Variants in PRELID2 observed in about 807,000 individuals in gnomAD.
The protein encoded by PRELID2 is PRELI domain containing 2.
Under a neutral mutation model 28.4 loss-of-function variants are expected in PRELID2, and 25 were observed. That is an observed-to-expected ratio of 0.88 (90% CI 0.64 to 1.23). The LOEUF is 1.23. Ranked by LOEUF, PRELID2 falls within the 50% of genes most tolerant of loss-of-function variation. The pLI is 0.00. For synonymous variants in PRELID2, 76 were observed against 71.6 expected, an observed-to-expected ratio of 1.06 and a Z score of -0.31; for missense variants, 201 against 214.4, an observed-to-expected ratio of 0.94 and a Z score of 0.39.
chr5:145,347,968 C>T, the PRELID2 span, among the ~76,000 whole-genome samples: 221 of 152,148 alleles, frequency 1.5e-3, no homozygotes, highest in African/African-American at 5.2e-3. Flanking sequence ...TGTTTTAGGT[C>T]AGAGTCACTG....
chr5:145,562,394 C>T (rs1374270062), intron 1 of PRELID2, among the ~76,000 whole-genome samples: 1 of 152,168 alleles, frequency 6.6e-6, no homozygotes. Flanking sequence ...AAACATCAAT[C>T]TCTCCTTCAA....
At chr5:145,699,154 A>T (rs1255633363) in intron 1 of PRELID2, among the ~76,000 whole-genome samples, 1 of 152,176 alleles carries the variant, frequency 6.6e-6, no homozygotes, top group Non-Finnish European at 1.5e-5. Context: ...GAAAGATAGT[A>T]ACAGCGTACC....
At chr5:145,520,798 C>G (rs917179577) in intron 1 of PRELID2, among the ~76,000 whole-genome samples, 4 of 152,146 alleles carry the variant, frequency 2.6e-5, no homozygotes, top group Non-Finnish European at 4.4e-5. Context: ...ATATTATCAT[C>G]TCATCCCTAG....
the PRELID2 span, among the ~76,000 whole-genome samples, chr5:145,402,094 G>T: frequency 6.6e-6 from 1 of 152,182 alleles, no homozygotes; most frequent in Admixed American, 6.6e-5. Flanking sequence ...GTGAAAAACA[G>T]AAGAGTTTAC....
At chr5:145,574,674 T>A (rs980305847) in intron 1 of PRELID2, among the ~76,000 whole-genome samples, 6 of 152,206 alleles carry the variant, frequency 3.9e-5, no homozygotes, top group Non-Finnish European at 8.8e-5. Context: ...TATACATTCA[T>A]CCCTTGGTAT....
the PRELID2 span, among the ~76,000 whole-genome samples, chr5:145,441,618 G>A: frequency 1.3e-5 from 2 of 152,168 alleles, no homozygotes; most frequent in Non-Finnish European, 2.9e-5. Flanking sequence ...CAGAAATAAT[G>A]AACTTAATGG....
chr5:145,718,493 C>T (rs1425062894), intron 1 of PRELID2, among the ~76,000 whole-genome samples: 3 of 151,732 alleles, frequency 2.0e-5, no homozygotes, highest in Non-Finnish European at 4.4e-5. Flanking sequence ...TTTCCGATAA[C>T]TAATGTATAA....
the PRELID2 span, among the ~76,000 whole-genome samples, chr5:145,410,798 C>G: frequency 6.6e-6 from 1 of 152,024 alleles, no homozygotes; most frequent in Admixed American, 6.5e-5. Flanking sequence ...ATCTCATGTC[C>G]TTACATTAAA....
chr5:145,298,329 A>G, the PRELID2 span, among the ~76,000 whole-genome samples: 1 of 152,162 alleles, frequency 6.6e-6, no homozygotes, highest in African/African-American at 2.4e-5. Context: ...ATCTACAACT[A>G]TCTGATCTTT....
chr5:145,577,939 T>C (rs1753075324), intron 1 of PRELID2, among the ~76,000 whole-genome samples: 1 of 152,278 alleles, frequency 6.6e-6, no homozygotes, highest in Non-Finnish European at 1.5e-5. Flanking sequence ...AAGTTAACTA[T>C]AGGACATTGA....
rs530553509 is a variant in PRELID2, at chr5:145,531,756, T to C, written n.71-58441A>G. ...AGGACCTAGATCCACAAACATTTTA[T>C]CTAGGCATAGAATAAGTGTAAATAC... On this transcript the variant is annotated intron_variant and non_coding_transcript_variant, in intron 1 of 2. Coordinates refer to the PRELID2 transcript ENST00000510259. Among the ~76,000 whole-genome samples the C allele has an allele frequency of 8.5e-5, 13 of 152,274 alleles. No homozygotes were observed. The South Asian group carries it at 2.5e-3, about 29-fold the overall frequency.
At chr5:145,737,266 C>A (rs1305744918) in intron 1 of PRELID2, among the ~76,000 whole-genome samples, 2 of 151,952 alleles carry the variant, frequency 1.3e-5, no homozygotes, top group African/African-American at 2.4e-5. Flanking sequence ...AACAGGGGAC[C>A]CAGACTCGTG....
At chr5:145,699,554 T>A (rs1755360821) in intron 1 of PRELID2, among the ~76,000 whole-genome samples, 1 of 152,152 alleles carries the variant, frequency 6.6e-6, no homozygotes, top group Admixed American at 6.5e-5. Flanking sequence ...ATCTCTTCCC[T>A]GCTCATTGAC....
intron 1 of PRELID2, among the ~76,000 whole-genome samples, chr5:145,600,434 A>ATATATATAT (rs1554078383): frequency 1.7e-5 from 2 of 120,116 alleles, no homozygotes; most frequent in African/African-American, 8.2e-5. Flanking sequence ...AAAAAAAAAA[A>ATATATATAT]ATATATATAT....
the PRELID2 span, among the ~76,000 whole-genome samples, chr5:145,319,070 C>T: frequency 6.6e-6 from 1 of 152,288 alleles, no homozygotes; most frequent in Admixed American, 6.5e-5. Flanking sequence ...TGTTCCTCTG[C>T]TCCTCTGCTC....
At position 145,817,221 on chromosome 5, in the gene PRELID2, ATAT is replaced by A. The variant is rs1185679839; in HGVS notation, c.368+670_368+672del. On this transcript the variant is annotated intron_variant, in intron 4 of 6. Transcript: ENST00000683046. Reference sequence around the variant, plus strand: ...AAAATAAATAAATAAATAAAAAAAAATATATATATATATATACTTTAGATAAAC... The same window carrying A: ...AAAATAAATAAATAAATAAAAAAAAAATATATATATATACTTTAGATAAAC... 2.7e-3 allele frequency among the ~76,000 whole-genome samples: 266 copies of A among 98,392 alleles called. 4 individuals carry two copies. Among genetic ancestry groups the A allele is most frequent in the African/African-American group, 8.3e-3 (248 of 29,906 alleles). 64.5% of individuals were successfully genotyped at this position (98,392 alleles called of 152,430 possible).
chr5:145,376,491 C>A, the PRELID2 span, among the ~76,000 whole-genome samples: 4 of 152,086 alleles, frequency 2.6e-5, no homozygotes, highest in African/African-American at 9.7e-5. Context: ...CTTCTTTGTA[C>A]ATCTGGTAGA....
the PRELID2 span, among the ~76,000 whole-genome samples, chr5:145,422,661 C>A: frequency 2.0e-5 from 3 of 152,026 alleles, no homozygotes; most frequent in Admixed American, 6.6e-5. Flanking sequence ...CTGAATACAG[C>A]ACACTGATGG....
chr5:145,681,791 C>G (rs1388965026), intron 1 of PRELID2, among the ~76,000 whole-genome samples: 1 of 152,140 alleles, frequency 6.6e-6, no homozygotes, highest in Non-Finnish European at 1.5e-5. Context: ...ATTCATCCAG[C>G]AGAGGGAGCT....
Sources: gnomAD v4.1 joint callset for allele counts (sites outside exome capture counted in the v4.1 genomes callset) on GRCh38, gnomAD v4.1.1 for gene constraint, MANE v1.5 for transcripts, NCBI Gene and HGNC (gene_info 2026-07-23, HGNC 2026-07-21) for gene names.